The following CACNA1E variants were observed in gnomAD, a reference collection of about 807,000 sequenced individuals.
The protein encoded by CACNA1E is voltage-dependent R-type calcium channel subunit alpha-1E.
A neutral mutation model predicts 259.2 loss-of-function variants in CACNA1E; 40 were observed. The observed-to-expected ratio is 0.15, with a 90% confidence interval of 0.12 to 0.20. The LOEUF (loss-of-function observed/expected upper bound fraction) is 0.20, where lower values mean the gene tolerates loss of function less well. CACNA1E is among the 10% of genes least tolerant of loss of function. The probability of loss-of-function intolerance (pLI) is 1.00; values close to 1 mark genes in which losing one functional copy is unlikely to be tolerated. For synonymous variants in CACNA1E, 1,104 were observed against 1,138.5 expected (o/e 0.97, Z 0.61); for missense variants, 1,874 against 3,040.1 (o/e 0.62, Z 9.02).
intron 2 of CACNA1E, among the ~76,000 whole-genome samples, chr1:181,421,401 T>C (rs1480166238): frequency 6.6e-6 from 1 of 152,206 alleles, no homozygotes; most frequent in East Asian, 1.9e-4. Flanking sequence ...AGGGTTATTC[T>C]GGGCCTCTTC....
At chr1:181,778,234 A>C (rs1445640928) in intron 38 of CACNA1E, among the ~76,000 whole-genome samples, 1 of 152,206 alleles carries the variant, frequency 6.6e-6, no homozygotes, top group East Asian at 1.9e-4. Flanking sequence ...AGGGGGGCTG[A>C]AACCAGTTGC....
intron 2 of CACNA1E, among the ~76,000 whole-genome samples, chr1:181,434,690 CA>C (rs1659953539): frequency 1.3e-5 from 2 of 152,154 alleles, no homozygotes; most frequent in Admixed American, 6.5e-5. Flanking sequence ...GGAGTTCAAT[CA>C]AAATTCAGAA....
intron 6 of CACNA1E, among the ~76,000 whole-genome samples, chr1:181,644,325 A>T (rs150470544): frequency 1.3e-5 from 2 of 152,246 alleles, no homozygotes; most frequent in African/African-American, 4.8e-5. Flanking sequence ...ATCCTCAGGG[A>T]AGTCGCTTTG....
chr1:181,429,493 G>A (rs775390042), intron 2 of CACNA1E, among the ~76,000 whole-genome samples: 1 of 152,160 alleles, frequency 6.6e-6, no homozygotes, highest in Non-Finnish European at 1.5e-5. Context: ...TGTCTCAGGC[G>A]CCTCTCAAGA....
intron 1 of CACNA1E, among the ~76,000 whole-genome samples, chr1:181,387,008 G>A (rs1022380695): frequency 6.6e-6 from 1 of 152,168 alleles, no homozygotes; most frequent in African/African-American, 2.4e-5. Flanking sequence ...GATTTCCTTG[G>A]GCTGATGGGT....
At chr1:181,659,873 G>A (rs573082937) in intron 7 of CACNA1E, among the ~76,000 whole-genome samples, 1 of 152,302 alleles carries the variant, frequency 6.6e-6, no homozygotes, top group East Asian at 1.9e-4. Context: ...CTTCTAGTTA[G>A]TGCTTATTTT....
intron 7 of CACNA1E, among the ~76,000 whole-genome samples, chr1:181,691,352 G>A (rs75462301): frequency 6.6e-6 from 1 of 151,556 alleles, no homozygotes; most frequent in Admixed American, 6.6e-5. Context: ...TCTGCTATCT[G>A]CTCTGTCCTG....
Position 181,738,399 on chromosome 1 carries a change from C to T in CACNA1E, c.3585C>T (p.Gly1195=), listed in dbSNP as rs376133244. Residue 1195 remains glycine, a synonymous_variant, in exon 24 of 48, where the codon GGC becomes GGT. Coordinates refer to ENST00000367573, the MANE Select transcript of CACNA1E (RefSeq NM_001205293.3). ...VLRYFDYVFT[G]VFTFEMVIKM... ...GGTATTTTGACTATGTGTTCACGGG[C>T]GTGTTCACCTTTGAGATGGTTATAA... The T allele has an allele frequency of 3.1e-6, 5 of 1,613,818 alleles. No homozygotes were observed. The highest frequency in any genetic ancestry group is 2.2e-5 in the South Asian group (2 of 91,068).
intron 7 of CACNA1E, among the ~76,000 whole-genome samples, chr1:181,691,815 C>T (rs1651189517): frequency 6.6e-6 from 1 of 152,080 alleles, no homozygotes; most frequent in Admixed American, 6.6e-5. Flanking sequence ...GAAGTCCTAC[C>T]TGGAATAATC....
At chr1:181,674,994 G>A (rs935284721) in intron 7 of CACNA1E, among the ~76,000 whole-genome samples, 8 of 151,640 alleles carry the variant, frequency 5.3e-5, no homozygotes, top group Admixed American at 5.2e-4. Flanking sequence ...AAAGGTTAGT[G>A]TTATAATTAA....
chr1:181,721,614 C>CT (rs371501501), intron 15 of CACNA1E, 144 bp from the exon 16 acceptor site: 6,048 of 442,410 alleles, frequency 0.014, 2 homozygotes, highest in Non-Finnish European at 0.015. Context: ...ATGGAAATGA[C>CT]TTTTTTTTTT....
At chr1:181,749,804 C>A (rs973889382) in intron 25 of CACNA1E, among the ~76,000 whole-genome samples, 1 of 152,224 alleles carries the variant, frequency 6.6e-6, no homozygotes, top group Non-Finnish European at 1.5e-5. Context: ...AGTATGCTCA[C>A]AATGGACTGG....
intron 2 of CACNA1E, among the ~76,000 whole-genome samples, chr1:181,465,968 G>T (rs2102393534): frequency 6.7e-6 from 1 of 148,940 alleles, no homozygotes; most frequent in Non-Finnish European, 1.5e-5. Flanking sequence ...TATTTTCTTG[G>T]CCTAAGTGTT....
intron 18 of CACNA1E, 36 bp from the exon 19 acceptor site, chr1:181,731,135 AGGTT>A (rs1558317068): frequency 6.4e-7 from 1 of 1,554,402 alleles, no homozygotes; most frequent in African/African-American, 1.4e-5. Flanking sequence ...AGGTTCCTAG[AGGTT>A]GGGGTGAACT....
In CACNA1E at chr1:181,576,314, C is replaced by T. The variant is rs80229852; in HGVS notation, c.513-1452C>T. Among the ~76,000 whole-genome samples the T allele has an allele frequency of 7.3e-4, 111 of 152,320 alleles. 1 individual carries two copies. The highest frequency in any genetic ancestry group is 2.9e-3 in the Admixed American group (45 of 15,308). ...CTCTTTACTTCCTAATGATGCTCTA[C>T]AGGTAGCTCCCGGATACTTGGAGTT... On this transcript the variant is annotated intron_variant, in intron 3 of 47. Transcript: ENST00000367573.
intron 6 of CACNA1E, among the ~76,000 whole-genome samples, chr1:181,591,359 T>C (rs913836248): frequency 4.6e-5 from 7 of 152,248 alleles, no homozygotes; most frequent in African/African-American, 1.4e-4. Context: ...TAAAGTGATG[T>C]AAGTGATCAC....
rs185640973 is a variant in CACNA1E at position 181,727,777 on chromosome 1, G to C, written c.2240+1615G>C. Among the ~76,000 whole-genome samples, 11 of 152,290 alleles carry C rather than the reference G, an allele frequency of 7.2e-5. 1 individual carries two copies. The highest frequency in any genetic ancestry group is 5.2e-4 in the Admixed American group (8 of 15,312). On this transcript the variant is annotated intron_variant, in intron 18 of 47. Transcript: ENST00000367573. ...TGTGGGAGGGTCCGAGACCCCCAAGGGGGTAGAAGTCTATCCTGGCAATGA... is the reference window on the plus strand; with the variant it reads ...TGTGGGAGGGTCCGAGACCCCCAAGCGGGTAGAAGTCTATCCTGGCAATGA...
intron 6 of CACNA1E, among the ~76,000 whole-genome samples, chr1:181,635,799 T>G (rs1285221491): frequency 6.6e-6 from 1 of 152,238 alleles, no homozygotes; most frequent in Non-Finnish European, 1.5e-5. Context: ...CTAAAGTATT[T>G]GATTAGCTCA....
intron 1 of CACNA1E, among the ~76,000 whole-genome samples, chr1:181,330,723 C>T (rs1377222510): frequency 6.6e-6 from 1 of 152,206 alleles, no homozygotes; most frequent in Admixed American, 6.5e-5. Flanking sequence ...GGAGTCAGTG[C>T]TGCAGGGCAG....
Sources: allele counts gnomAD v4.1 joint callset (sites outside exome capture counted in the v4.1 genomes callset), GRCh38; gene constraint gnomAD v4.1.1; transcripts MANE v1.5; gene names NCBI Gene and HGNC (gene_info 2026-07-23, HGNC 2026-07-21).